The following MARCHF4 variants were observed in gnomAD, a reference collection of about 807,000 sequenced individuals.
The protein encoded by MARCHF4 is membrane associated ring-CH-type finger 4.
In MARCHF4, 14 loss-of-function variants were observed where a neutral mutation model predicts 43.9. That is an observed-to-expected ratio of 0.32 (90% confidence interval 0.21 to 0.50). The LOEUF (loss-of-function observed/expected upper bound fraction) is 0.50. MARCHF4 is among the 20% of genes least tolerant of loss of function. MARCHF4 has a pLI of 0.98. For missense variants in MARCHF4, 468 were observed against 536.7 expected (o/e 0.87, Z 1.27); for synonymous variants, 226 against 213.3 (o/e 1.06, Z -0.52).
chr2:216,324,660 T>C (rs1382484497), intron 1 of MARCHF4, among the ~76,000 whole-genome samples: 2,969 of 149,746 alleles, frequency 0.02, 94 homozygotes, highest in African/African-American at 0.07. Flanking sequence ...GCTGGTTCAA[T>C]ATATGCAAAT....
At position 216,320,659 on chromosome 2, in the gene MARCHF4, CTTTCTTTCTTTCTTTCTTTT is replaced by C. The variant is rs1336070826; in HGVS notation, c.517-36950_517-36931del. On this transcript the variant is annotated intron_variant, in intron 1 of 3. Transcript: ENST00000273067. ...TCTTTCTTTCTTTCTTTCTTTCTTT[CTTTCTTTCTTTCTTTCTTTT>C]TTTTTTTTTGAGATGGAGTCCCACT... Among the ~76,000 whole-genome samples the C allele has an allele frequency of 5.9e-4, 62 of 105,144 alleles. 1 individual carries two copies. Among genetic ancestry groups the C allele is most frequent in the African/African-American group, 2.6e-3 (61 of 23,026 alleles). 69.0% of individuals were successfully genotyped at this position (105,144 alleles called of 152,430 possible).
intron 1 of MARCHF4, among the ~76,000 whole-genome samples, chr2:216,312,367 A>T (rs1691701481): frequency 6.6e-6 from 1 of 152,198 alleles, no homozygotes; most frequent in East Asian, 1.9e-4. Flanking sequence ...GCTGATAGTC[A>T]CTTAGGTTGG....
chr2:216,326,901 T>C lies in MARCHF4; in HGVS notation c.516+42844A>G, dbSNP rs1439681049. On this transcript the variant is annotated intron_variant, in intron 1 of 3. Transcript: ENST00000273067. ...GGGTGCAGCACACCAGCATGACACATGTATACATACGTAACTAACCTGCAC... is the reference window on the plus strand; with the variant it reads ...GGGTGCAGCACACCAGCATGACACACGTATACATACGTAACTAACCTGCAC... Among the ~76,000 whole-genome samples, 6 of 152,188 alleles carry C rather than the reference T, an allele frequency of 3.9e-5. No homozygotes were observed. In the East Asian group the frequency reaches 1.2e-3, roughly 29 times the overall value.
chr2:216,276,836 G>A lies in MARCHF4; in HGVS notation c.865+836C>T, dbSNP rs146895527. On this transcript the variant is annotated intron_variant, in intron 3 of 3. Transcript: ENST00000273067. ...TTGGACCATATCTTCAGAGTCAACA[G>A]CCACAATCATCTGTTGGGGGAGGGA... 9.2e-5 allele frequency among the ~76,000 whole-genome samples: 14 copies of A among 152,210 alleles called. No homozygotes were observed. In the East Asian group the frequency reaches 2.7e-3, roughly 29 times the overall value.
At chr2:216,342,032 GAGGA>G (rs1245785259) in intron 1 of MARCHF4, among the ~76,000 whole-genome samples, 5 of 152,226 alleles carry the variant, frequency 3.3e-5, no homozygotes, top group African/African-American at 1.2e-4. Flanking sequence ...TGCCTCATGG[GAGGA>G]AGCAGCCCAT....
intron 1 of MARCHF4, among the ~76,000 whole-genome samples, chr2:216,348,522 T>C (rs116264856): frequency 0.01 from 1,598 of 152,262 alleles, 14 homozygotes; most frequent in Middle Eastern, 0.02. Flanking sequence ...CATGACAGTT[T>C]ACGGATGCCA....
intron 2 of MARCHF4, among the ~76,000 whole-genome samples, chr2:216,278,267 C>T (rs1215950751): frequency 2.0e-5 from 3 of 152,148 alleles, no homozygotes; most frequent in Admixed American, 6.5e-5. Flanking sequence ...GCTCTGTCGC[C>T]GGCTGGAGTG....
intron 1 of MARCHF4, among the ~76,000 whole-genome samples, chr2:216,289,238 C>T (rs75541110): frequency 1.1e-5 from 1 of 87,946 alleles, no homozygotes; most frequent in East Asian, 2.8e-4. Context: ...TCCCCACCCG[C>T]CCCCCACCCA....
At chr2:216,306,927 C>T (rs1194285917) in intron 1 of MARCHF4, among the ~76,000 whole-genome samples, 1 of 152,012 alleles carries the variant, frequency 6.6e-6, no homozygotes. Flanking sequence ...ACATGCATCT[C>T]ATAACACATT....
intron 1 of MARCHF4, among the ~76,000 whole-genome samples, chr2:216,356,506 A>G (rs2105982271): frequency 6.6e-6 from 1 of 152,360 alleles, no homozygotes; most frequent in East Asian, 1.9e-4. Context: ...TGACAGATAG[A>G]GGACACTGAA....
At chr2:216,262,586 G>A (rs207873) in intron 3 of MARCHF4, among the ~76,000 whole-genome samples, 88,990 of 151,808 alleles carry the variant, frequency 0.59, 29,454 homozygotes, top group Non-Finnish European at 0.75. Flanking sequence ...AGAGTGGGAT[G>A]TTTAAATCCA....
At chr2:216,298,256 G>GTTTTTTTTTTT in intron 1 of MARCHF4, among the ~76,000 whole-genome samples, 1 of 66,764 alleles carries the variant, frequency 1.5e-5, no homozygotes, top group Non-Finnish European at 2.7e-5. Context: ...AGTCTTTTAG[G>GTTTTTTTTTTT]TTTTTTTTTT....
intron 3 of MARCHF4, among the ~76,000 whole-genome samples, chr2:216,264,683 T>C (rs1298908669): frequency 1.3e-5 from 2 of 152,220 alleles, no homozygotes; most frequent in East Asian, 3.8e-4. Flanking sequence ...ATTCACTCTT[T>C]CCAGTAAGGG....
At chr2:216,275,863 C>A (rs1208028486) in intron 3 of MARCHF4, among the ~76,000 whole-genome samples, 1 of 152,086 alleles carries the variant, frequency 6.6e-6, no homozygotes, top group Admixed American at 6.6e-5. Context: ...AAGTTTCCAC[C>A]AAGCCCCCTT....
intron 1 of MARCHF4, among the ~76,000 whole-genome samples, chr2:216,309,101 T>C (rs1284940494): frequency 1.3e-5 from 2 of 152,206 alleles, no homozygotes; most frequent in Admixed American, 6.5e-5. Context: ...GCATAAAAAC[T>C]GGAGAATTGA....
At chr2:216,308,215 A>G (rs958999133) in intron 1 of MARCHF4, among the ~76,000 whole-genome samples, 1 of 152,158 alleles carries the variant, frequency 6.6e-6, no homozygotes, top group African/African-American at 2.4e-5. Flanking sequence ...CATCCTGGGT[A>G]ACATGGTGAA....
At chr2:216,288,454 C>A (rs1226182079) in intron 1 of MARCHF4, among the ~76,000 whole-genome samples, 2 of 152,118 alleles carry the variant, frequency 1.3e-5, no homozygotes, top group Admixed American at 1.3e-4. Flanking sequence ...AAGGGAACGA[C>A]CGCCTAAAGA....
At chr2:216,292,815 G>A (rs553677406) in intron 1 of MARCHF4, among the ~76,000 whole-genome samples, 11 of 152,200 alleles carry the variant, frequency 7.2e-5, no homozygotes, top group Non-Finnish European at 1.6e-4. Flanking sequence ...GAAGATTCCA[G>A]TGTCTTCTTC....
rs1360979041 is a variant in MARCHF4, at chr2:216,296,424, A to G, written c.517-12695T>C. Among the ~76,000 whole-genome samples, 5 of 151,892 alleles carry G rather than the reference A, an allele frequency of 3.3e-5. No individual in the cohort carries two copies. In the East Asian group the frequency reaches 9.7e-4, roughly 29 times the overall value. On this transcript the variant is annotated intron_variant, in intron 1 of 3. Coordinates refer to ENST00000273067, the MANE Select transcript of MARCHF4 (RefSeq NM_020814.3). ...CCTCCATGTCTCTTCCTAAGGACTC[A>G]CCCCTCCCCAAGCCTTCTTCCTGCA...
Sources: allele counts gnomAD v4.1 joint callset (sites outside exome capture counted in the v4.1 genomes callset), GRCh38; gene constraint gnomAD v4.1.1; transcripts MANE v1.5; gene names NCBI Gene and HGNC (gene_info 2026-07-23, HGNC 2026-07-21).